Variants in DIAPH3 observed in about 807,000 individuals in gnomAD.
The protein encoded by DIAPH3 is protein diaphanous homolog 3.
A neutral mutation model predicts 144.3 loss-of-function variants in DIAPH3; 117 were observed. That is an observed-to-expected ratio of 0.81 (90% confidence interval 0.70 to 0.95). The LOEUF is 0.95. Ranked by LOEUF, DIAPH3 falls within the 40% of genes least tolerant of loss-of-function variation. The probability of loss-of-function intolerance (pLI) is 0.00; values close to 1 mark genes in which losing one functional copy is unlikely to be tolerated. For synonymous variants in DIAPH3, 519 were observed against 488.9 expected, an observed-to-expected ratio of 1.06 and a Z score of -0.81; for missense variants, 1,421 against 1,412.7, an observed-to-expected ratio of 1.01 and a Z score of -0.09.
At position 60,119,987 on chromosome 13, in the gene DIAPH3, T is replaced by C. The variant is rs564124496; in HGVS notation, c.214-7801A>G. Among the ~76,000 whole-genome samples, 51 of 152,180 alleles carry C rather than the reference T, an allele frequency of 3.4e-4. No individual in the cohort carries two copies. In the South Asian group the frequency reaches 3.5e-3, roughly 11 times the overall value. ...CATAGTTACCATCCCTACAGATGCT[T>C]ACCATTTGAGAGAAAAATATACAAT... is the stretch of plus-strand genomic sequence containing the variant. On this transcript the variant is annotated intron_variant, in intron 2 of 27. Transcript: ENST00000400324.
chr13:59,926,406 A>C (rs368005777), intron 17 of DIAPH3, among the ~76,000 whole-genome samples: 52 of 152,242 alleles, frequency 3.4e-4, no homozygotes, highest in African/African-American at 1.1e-3. Context: ...TACATCACTA[A>C]GTTCTTGATT....
At position 59,991,185 on chromosome 13, in the gene DIAPH3, A is replaced by G. The variant is rs1246003955; in HGVS notation, c.1334T>C (p.Leu445Ser). 1.2e-6 allele frequency: 2 copies of G among 1,608,984 alleles called. No individual in the cohort carries two copies. Among genetic ancestry groups the G allele is most frequent in the Non-Finnish European group, 1.7e-6 (2 of 1,176,882 alleles). The change falls in exon 12 of 28, where the codon TTG (leucine) becomes TCG (serine). Residue 445 changes from leucine to serine, a missense_variant. Leu to Ser is a moderately radical substitution (Grantham distance 145). Coordinates refer to ENST00000400324, the MANE Select transcript of DIAPH3 (RefSeq NM_001042517.2). ...GYFISILQHL[L>S]LIRNDYFIRQ... ...TATAAAATAATCATTTCGAATCAGC[A>G]AAAGATGCTGAAGAATAGAAATAAA...
intron 2 of DIAPH3, among the ~76,000 whole-genome samples, chr13:60,116,418 CT>C (rs1299613694): frequency 6.6e-6 from 1 of 151,876 alleles, no homozygotes; most frequent in African/African-American, 2.4e-5. Context: ...ACCCTCATTA[CT>C]GATGTTTGTT....
At chr13:59,755,389 T>C (rs1332020978) in intron 27 of DIAPH3, among the ~76,000 whole-genome samples, 5 of 152,162 alleles carry the variant, frequency 3.3e-5, no homozygotes, top group South Asian at 2.1e-4. Context: ...AACTTGCAGA[T>C]GATACTTAGT....
chr13:60,046,173 C>T (rs975320321), intron 4 of DIAPH3, among the ~76,000 whole-genome samples: 3 of 152,260 alleles, frequency 2.0e-5, no homozygotes, highest in East Asian at 1.9e-4. Flanking sequence ...CTAACTGAAT[C>T]CACATTTTAT....
At chr13:59,823,470 TAATG>T (rs1360883594) in intron 24 of DIAPH3, among the ~76,000 whole-genome samples, 1 of 152,208 alleles carries the variant, frequency 6.6e-6, no homozygotes, top group African/African-American at 2.4e-5. Context: ...ACAAATGTGC[TAATG>T]AAGACATAAG....
intron 22 of DIAPH3, among the ~76,000 whole-genome samples, chr13:59,843,132 A>T (rs1046493856): frequency 9.8e-5 from 15 of 152,316 alleles, no homozygotes; most frequent in African/African-American, 3.4e-4. Flanking sequence ...CTACATTAAC[A>T]TACAAAATAT....
At chr13:60,090,695 C>G (rs981981815) in intron 4 of DIAPH3, among the ~76,000 whole-genome samples, 3 of 152,082 alleles carry the variant, frequency 2.0e-5, no homozygotes, top group African/African-American at 7.2e-5. Context: ...AGTCTGTACC[C>G]TAGAGTTAAT....
intron 7 of DIAPH3, among the ~76,000 whole-genome samples, chr13:60,011,285 C>G (rs1164493214): frequency 6.6e-6 from 1 of 152,004 alleles, no homozygotes; most frequent in South Asian, 2.1e-4. Context: ...GATTTGCCAA[C>G]AGAAGCATAT....
At chr13:59,676,251 C>T (rs905611992) in intron 27 of DIAPH3, among the ~76,000 whole-genome samples, 3 of 152,166 alleles carry the variant, frequency 2.0e-5, no homozygotes, top group Non-Finnish European at 2.9e-5. Flanking sequence ...TTGAAGACCT[C>T]GAGTCATTTC....
At chr13:60,121,524 T>C (rs1478245234) in intron 2 of DIAPH3, among the ~76,000 whole-genome samples, 1 of 152,196 alleles carries the variant, frequency 6.6e-6, no homozygotes, top group Non-Finnish European at 1.5e-5. Flanking sequence ...ACAGGTTGTA[T>C]ACTCTGATGG....
At chr13:59,966,748 A>T in intron 17 of DIAPH3, among the ~76,000 whole-genome samples, 1 of 152,202 alleles carries the variant, frequency 6.6e-6, no homozygotes, top group East Asian at 1.9e-4. Context: ...AGCACAAAGG[A>T]TTGGCATCTA....
At chr13:59,914,673 G>A (rs541990967) in intron 19 of DIAPH3, among the ~76,000 whole-genome samples, 56 of 152,258 alleles carry the variant, frequency 3.7e-4, no homozygotes, top group Middle Eastern at 3.4e-3. Flanking sequence ...AAGGAATTGA[G>A]GAATGCAAGA....
chr13:59,973,025 A>C (rs1819509505), intron 15 of DIAPH3, among the ~76,000 whole-genome samples: 1 of 152,232 alleles, frequency 6.6e-6, no homozygotes, highest in Admixed American at 6.5e-5. Flanking sequence ...TCAAACATGA[A>C]TATGGTGGCC....
At chr13:60,104,823 G>A (rs1477364147) in intron 3 of DIAPH3, among the ~76,000 whole-genome samples, 1 of 152,056 alleles carries the variant, frequency 6.6e-6, no homozygotes, top group Non-Finnish European at 1.5e-5. Flanking sequence ...CAGGCGCGGT[G>A]GCTCACGCCA....
chr13:59,974,103 T>C (rs961169013), intron 15 of DIAPH3, among the ~76,000 whole-genome samples: 2 of 152,032 alleles, frequency 1.3e-5, no homozygotes, highest in African/African-American at 4.8e-5. Flanking sequence ...CTGAATTACT[T>C]AGGAAACATG....
rs1289671393 is a variant in DIAPH3 at position 60,095,277 on chromosome 13, T to C, written c.391-1545A>G. ...TCATAGAAAGAATTCAAAGGCAAGATGGTCGTGTTACACAGCAACCTTTTA... is the reference window on the plus strand; with the variant it reads ...TCATAGAAAGAATTCAAAGGCAAGACGGTCGTGTTACACAGCAACCTTTTA... On this transcript the variant is annotated intron_variant, in intron 3 of 27. Coordinates refer to ENST00000400324, the MANE Select transcript of DIAPH3 (RefSeq NM_001042517.2). Among the ~76,000 whole-genome samples the C allele has an allele frequency of 2.0e-5, 3 of 152,346 alleles. No homozygotes were observed. The East Asian group carries it at 5.8e-4, about 29-fold the overall frequency.
At chr13:60,109,344 G>A (rs1401713032) in intron 3 of DIAPH3, among the ~76,000 whole-genome samples, 1 of 152,148 alleles carries the variant, frequency 6.6e-6, no homozygotes, top group Admixed American at 6.5e-5. Context: ...ATTTGTTACG[G>A]CAGCAATAGG....
Position 60,126,002 on chromosome 13 carries a change from C to T in DIAPH3, c.213+6955G>A, listed in dbSNP as rs138324745. Reference sequence around the variant, plus strand: ...AGGGTTTAACTTAGAGCACACAGAGCTTCTAGAATAGATGAGACATCCATT... The same window carrying T: ...AGGGTTTAACTTAGAGCACACAGAGTTTCTAGAATAGATGAGACATCCATT... On this transcript the variant is annotated intron_variant, in intron 2 of 27. Coordinates refer to ENST00000400324, the MANE Select transcript of DIAPH3 (RefSeq NM_001042517.2). Among the ~76,000 whole-genome samples, 540 of 152,242 alleles carry T rather than the reference C, an allele frequency of 3.5e-3. 4 individuals are homozygous for T. Among genetic ancestry groups the T allele is most frequent in the African/African-American group, 0.013 (524 of 41,550 alleles).
Sources: allele counts gnomAD v4.1 joint callset (sites outside exome capture counted in the v4.1 genomes callset), GRCh38; gene constraint gnomAD v4.1.1; transcripts MANE v1.5; gene names NCBI Gene and HGNC (gene_info 2026-07-23, HGNC 2026-07-21).